The following STT3B variants were observed in gnomAD, a reference collection of about 807,000 sequenced individuals.
STT3B encodes STT3 oligosaccharyltransferase complex catalytic subunit B.
A neutral mutation model predicts 96.8 loss-of-function variants in STT3B; 29 were observed. The ratio of observed to expected loss-of-function variants is 0.30; its 90% CI spans 0.22 to 0.41. STT3B has a LOEUF of 0.41. Ranked by LOEUF, STT3B falls within the 10% of genes least tolerant of loss-of-function variation. The pLI, the probability that STT3B is intolerant of heterozygous loss-of-function variation, is 1.00. For synonymous variants in STT3B, 367 were observed against 360.0 expected (o/e 1.02, Z -0.22); for missense variants, 640 against 1,022.3 (o/e 0.63, Z 5.10).
At chr3:31,563,407 C>A (rs1416005390) in intron 1 of STT3B, among the ~76,000 whole-genome samples, 3 of 152,096 alleles carry the variant, frequency 2.0e-5, no homozygotes, top group East Asian at 3.9e-4. Context: ...ATACAAGGAT[C>A]TTTGTTGTGA....
At chr3:31,595,935 C>G (rs1441754575) in intron 3 of STT3B, among the ~76,000 whole-genome samples, 1 of 152,108 alleles carries the variant, frequency 6.6e-6, no homozygotes, top group Non-Finnish European at 1.5e-5. Flanking sequence ...CATTCAGGCT[C>G]TATAAGGACC....
intron 2 of STT3B, 102 bp from the exon 3 acceptor site, chr3:31,579,707 A>T: frequency 2.1e-6 from 2 of 944,204 alleles, no homozygotes; most frequent in Non-Finnish European, 3.0e-6. Context: ...TTGCTTTCAA[A>T]CTTATGTAAG....
intron 1 of STT3B, among the ~76,000 whole-genome samples, chr3:31,575,789 C>A (rs1247384170): frequency 3.3e-5 from 5 of 151,974 alleles, no homozygotes; most frequent in Non-Finnish European, 5.9e-5. Context: ...AGGCTTTTCC[C>A]CTGCCCATGA....
rs1426001637 is a variant in STT3B, at chr3:31,576,249, G to A, written c.315-147G>A. On this transcript the variant is annotated intron_variant, in intron 1 of 15. Transcript: ENST00000295770. ...TTTATTTATGTAGAGGTATAAGCATGTTCTTTTGATATCTTCAGATTATGT... is the reference window on the plus strand; with the variant it reads ...TTTATTTATGTAGAGGTATAAGCATATTCTTTTGATATCTTCAGATTATGT... The A allele has an allele frequency of 7.4e-5, 31 of 417,948 alleles. No homozygotes were observed. In the East Asian group the frequency reaches 1.1e-3, roughly 15 times the overall value. 25.9% of individuals were successfully genotyped at this position (417,948 alleles called of 1,614,324 possible).
intron 1 of STT3B, among the ~76,000 whole-genome samples, chr3:31,552,794 C>T (rs1017405867): frequency 6.6e-6 from 1 of 152,138 alleles, no homozygotes; most frequent in African/African-American, 2.4e-5. Flanking sequence ...CAGTGTGATA[C>T]ATAAGATAGG....
At chr3:31,611,830 TC>T (rs1699186703) in intron 5 of STT3B, among the ~76,000 whole-genome samples, 1 of 152,136 alleles carries the variant, frequency 6.6e-6, no homozygotes. Context: ...TTGAGTTACT[TC>T]ACCATTTTTT....
intron 15 of STT3B, among the ~76,000 whole-genome samples, chr3:31,634,898 G>A (rs1699729802): frequency 6.6e-6 from 1 of 152,128 alleles, no homozygotes; most frequent in Non-Finnish European, 1.5e-5. Flanking sequence ...CTTACTTTGT[G>A]CCTTAATAAC....
At chr3:31,556,552 T>G (rs536704947) in intron 1 of STT3B, among the ~76,000 whole-genome samples, 1 of 152,310 alleles carries the variant, frequency 6.6e-6, no homozygotes, top group African/African-American at 2.4e-5. Flanking sequence ...TGCACCCTTG[T>G]CAGCATTTGT....
At chr3:31,634,726 A>T (rs565366665) in intron 15 of STT3B, among the ~76,000 whole-genome samples, 1 of 152,300 alleles carries the variant, frequency 6.6e-6, no homozygotes, top group African/African-American at 2.4e-5. Context: ...GTTCACTGCC[A>T]GTAGGAGAAA....
intron 1 of STT3B, among the ~76,000 whole-genome samples, chr3:31,549,931 A>G (rs937332461): frequency 3.3e-5 from 5 of 152,158 alleles, no homozygotes; most frequent in Non-Finnish European, 5.9e-5. Flanking sequence ...GTCACCGGAT[A>G]GTTTTAATTG....
chr3:31,572,555 C>G (rs1157430178), intron 1 of STT3B, among the ~76,000 whole-genome samples: 2 of 152,170 alleles, frequency 1.3e-5, no homozygotes, highest in East Asian at 3.9e-4. Flanking sequence ...TTTGAACTTA[C>G]ATTTATATTT....
At chr3:31,605,357 A>G (rs1223809314) in intron 5 of STT3B, among the ~76,000 whole-genome samples, 1 of 152,182 alleles carries the variant, frequency 6.6e-6, no homozygotes, top group Admixed American at 6.6e-5. Context: ...AAAATTTGAT[A>G]ATAAATGTTG....
Position 31,634,451 on chromosome 3 carries a change from A to C in STT3B, c.2400+1304A>C, listed in dbSNP as rs148050376. Among the ~76,000 whole-genome samples the C allele has an allele frequency of 8.7e-3, 1,319 of 152,290 alleles. 9 individuals carry two copies. Among genetic ancestry groups the C allele is most frequent in the Admixed American group, 0.017 (265 of 15,300 alleles). ...AAATGTGAATGGATAAATAAAACAT[A>C]ATCTGTCTTGTGTGCCCAAAACATA... On this transcript the variant is annotated intron_variant, in intron 15 of 15. Coordinates refer to ENST00000295770, the MANE Select transcript of STT3B (RefSeq NM_178862.3).
chr3:31,602,468 G>A (rs190916939), intron 5 of STT3B, among the ~76,000 whole-genome samples: 22 of 152,084 alleles, frequency 1.4e-4, no homozygotes, highest in African/African-American at 4.6e-4. Context: ...TTTATGAAAT[G>A]CCATGATTCA....
intron 3 of STT3B, among the ~76,000 whole-genome samples, chr3:31,581,422 AAAAAT>A (rs1698380920): frequency 6.6e-6 from 1 of 152,232 alleles, no homozygotes; most frequent in Non-Finnish European, 1.5e-5. Flanking sequence ...AATAAATTTA[AAAAAT>A]AAAATATTCT....
chr3:31,541,213 A>C (rs73824172), intron 1 of STT3B, among the ~76,000 whole-genome samples: 9,143 of 152,196 alleles, frequency 0.06, 919 homozygotes, highest in African/African-American at 0.21. Flanking sequence ...AGTATGACGC[A>C]TCCTGAAAAA....
rs531107210 is a variant in STT3B at position 31,596,636 on chromosome 3, T to C, written c.712-162T>C. Among the ~76,000 whole-genome samples the C allele has an allele frequency of 3.5e-4, 54 of 152,380 alleles. No homozygotes were observed. In the South Asian group the frequency reaches 0.011, roughly 31 times the overall value. ...TGTCTCAGTGTGCTGCTCAGTGTTA[T>C]AAATGCATATATGAAGTATGTCTGC... On this transcript the variant is annotated intron_variant, in intron 3 of 15. Transcript: ENST00000295770.
At chr3:31,608,723 G>C (rs1699112626) in intron 5 of STT3B, among the ~76,000 whole-genome samples, 1 of 152,148 alleles carries the variant, frequency 6.6e-6, no homozygotes, top group Admixed American at 6.5e-5. Context: ...GTGTTTCATA[G>C]TCCAGAAGAA....
intron 1 of STT3B, among the ~76,000 whole-genome samples, chr3:31,572,053 CAT>C (rs1698165664): frequency 1.2e-5 from 1 of 82,656 alleles, no homozygotes; most frequent in Non-Finnish European, 2.4e-5. Context: ...ATTAATATAT[CAT>C]ATATTAATAT....
Sources: allele counts gnomAD v4.1 joint callset (sites outside exome capture counted in the v4.1 genomes callset), GRCh38; gene constraint gnomAD v4.1.1; transcripts MANE v1.5; gene names NCBI Gene and HGNC (gene_info 2026-07-23, HGNC 2026-07-21).